Variants in NAALADL2 observed in about 807,000 individuals in gnomAD.
The protein encoded by NAALADL2 is N-acetylated alpha-linked acidic dipeptidase like 2, also known as inactive N-acetylated-alpha-linked acidic dipeptidase-like protein 2.
A neutral mutation model predicts 87.2 loss-of-function variants in NAALADL2; 76 were observed. The ratio of observed to expected loss-of-function variants is 0.87; its 90% CI spans 0.72 to 1.05. NAALADL2 has a LOEUF of 1.05. Among genes scored for constraint, NAALADL2 ranks in the 50% least tolerant of loss-of-function variants. The pLI, the probability that NAALADL2 is intolerant of heterozygous loss-of-function variation, is 0.00. For missense variants in NAALADL2, 1,089 were observed against 945.8 expected, an observed-to-expected ratio of 1.15 and a Z score of -1.99; for synonymous variants, 354 against 331.0, an observed-to-expected ratio of 1.07 and a Z score of -0.75.
intron 2 of NAALADL2, among the ~76,000 whole-genome samples, chr3:174,709,255 A>T (rs1730397115): frequency 6.6e-6 from 1 of 152,152 alleles, no homozygotes; most frequent in Non-Finnish European, 1.5e-5. Context: ...TATAGTTGGT[A>T]GTTGAATATG....
At chr3:175,465,936 C>T (rs1488150229) in intron 7 of NAALADL2, among the ~76,000 whole-genome samples, 1 of 152,182 alleles carries the variant, frequency 6.6e-6, no homozygotes, top group Non-Finnish European at 1.5e-5. Context: ...TTGTGTTGAG[C>T]ATTGTTCAAA....
chr3:175,170,832 T>C (rs1734697263), intron 2 of NAALADL2, among the ~76,000 whole-genome samples: 1 of 151,556 alleles, frequency 6.6e-6, no homozygotes, highest in African/African-American at 2.4e-5. Context: ...ATAAAGAATA[T>C]AAGGAAATAA....
At chr3:175,113,810 C>G (rs978488248) in intron 2 of NAALADL2, among the ~76,000 whole-genome samples, 3 of 151,496 alleles carry the variant, frequency 2.0e-5, no homozygotes, top group African/African-American at 7.3e-5. Context: ...GAGGGAGATA[C>G]TATATTCATC....
chr3:175,301,272 C>G (rs544125277), intron 4 of NAALADL2, among the ~76,000 whole-genome samples: 2 of 152,042 alleles, frequency 1.3e-5, no homozygotes, highest in South Asian at 2.1e-4. Flanking sequence ...CTATCCCTCC[C>G]CTTGTTCCCA....
At chr3:174,789,077 T>A (rs992367425) in intron 3 of NAALADL2, among the ~76,000 whole-genome samples, 1 of 152,208 alleles carries the variant, frequency 6.6e-6, no homozygotes, top group African/African-American at 2.4e-5. Flanking sequence ...ACCTATTACA[T>A]CTTCTTTTGC....
At chr3:175,220,833 A>C (rs939987602) in intron 2 of NAALADL2, among the ~76,000 whole-genome samples, 2 of 152,072 alleles carry the variant, frequency 1.3e-5, no homozygotes, top group South Asian at 4.1e-4. Flanking sequence ...AAGGCAATAC[A>C]TTTCTCTAAG....
chr3:175,130,589 A>G (rs1427743563), intron 2 of NAALADL2, among the ~76,000 whole-genome samples: 1 of 152,220 alleles, frequency 6.6e-6, no homozygotes. Flanking sequence ...AATACCATAT[A>G]TTGAAGAAAC....
chr3:175,275,696 G>C (rs1162387106), intron 4 of NAALADL2, among the ~76,000 whole-genome samples: 2 of 151,942 alleles, frequency 1.3e-5, no homozygotes, highest in African/African-American at 4.8e-5. Flanking sequence ...ATATTAGTAA[G>C]AGCTCAAAAT....
intron 9 of NAALADL2, among the ~76,000 whole-genome samples, chr3:175,539,130 C>T (rs1006410149): frequency 2.6e-5 from 4 of 152,218 alleles, no homozygotes; most frequent in East Asian, 3.9e-4. Context: ...CTCAAGGGAC[C>T]TCGGGAACAT....
chr3:175,647,280 C>T (rs897570720), intron 11 of NAALADL2, among the ~76,000 whole-genome samples: 1 of 151,898 alleles, frequency 6.6e-6, no homozygotes, highest in African/African-American at 2.4e-5. Context: ...CAATTTTTGC[C>T]AGAATTACTA....
intron 2 of NAALADL2, among the ~76,000 whole-genome samples, chr3:175,233,133 T>C (rs1169025446): frequency 6.6e-6 from 1 of 152,200 alleles, no homozygotes; most frequent in African/African-American, 2.4e-5. Flanking sequence ...TTCGGTTTTA[T>C]TGGAAAACAT....
At chr3:175,010,928 T>A (rs1579998698) in intron 1 of NAALADL2, among the ~76,000 whole-genome samples, 2 of 152,116 alleles carry the variant, frequency 1.3e-5, no homozygotes, top group East Asian at 3.8e-4. Context: ...ACTTTCCAAA[T>A]TATGGACAAT....
intron 3 of NAALADL2, among the ~76,000 whole-genome samples, chr3:174,771,380 G>A (rs1714534329): frequency 6.6e-6 from 1 of 152,156 alleles, no homozygotes; most frequent in Non-Finnish European, 1.5e-5. Flanking sequence ...CTTCTATTGA[G>A]TGCAATACGA....
chr3:175,356,574 CAA>C (rs1764385933), intron 5 of NAALADL2, among the ~76,000 whole-genome samples: 3 of 56,108 alleles, frequency 5.3e-5, no homozygotes, highest in African/African-American at 1.3e-4. Flanking sequence ...GACCCTGTGT[CAA>C]AATAATAATA....
At chr3:175,383,383 T>C (rs919126172) in intron 5 of NAALADL2, among the ~76,000 whole-genome samples, 4 of 151,766 alleles carry the variant, frequency 2.6e-5, no homozygotes, top group African/African-American at 9.7e-5. Flanking sequence ...TAAATCAAGC[T>C]AATTAATATA....
At chr3:175,719,830 G>A (rs1320214187) in intron 11 of NAALADL2, among the ~76,000 whole-genome samples, 1 of 152,160 alleles carries the variant, frequency 6.6e-6, no homozygotes, top group Non-Finnish European at 1.5e-5. Flanking sequence ...TCAAGATCAA[G>A]GCACTGGCAG....
At chr3:175,723,361 A>G (rs1252289187) in intron 11 of NAALADL2, among the ~76,000 whole-genome samples, 1 of 152,192 alleles carries the variant, frequency 6.6e-6, no homozygotes, top group African/African-American at 2.4e-5. Context: ...AAACCCTTAC[A>G]GACGAGGAAA....
chr3:175,018,076 A>G (rs1751082445), intron 1 of NAALADL2, among the ~76,000 whole-genome samples: 1 of 152,080 alleles, frequency 6.6e-6, no homozygotes, highest in African/African-American at 2.4e-5. Flanking sequence ...AGAGGTCTCC[A>G]TGTTTATATT....
intron 9 of NAALADL2, among the ~76,000 whole-genome samples, chr3:175,572,159 C>T (rs1032311098): frequency 3.3e-5 from 5 of 152,106 alleles, no homozygotes; most frequent in Admixed American, 1.3e-4. Context: ...GTCCCTGAAG[C>T]CTCCATCTTG....
Sources: allele counts gnomAD v4.1 joint callset (sites outside exome capture counted in the v4.1 genomes callset), GRCh38; gene constraint gnomAD v4.1.1; transcripts MANE v1.5; gene names NCBI Gene and HGNC (gene_info 2026-07-23, HGNC 2026-07-21).